Variants in DIDO1 observed in about 807,000 individuals in gnomAD.
DIDO1 encodes death inducer-obliterator 1.
DIDO1 carries 16 observed loss-of-function variants against 99.4 expected under a neutral mutation model. The observed-to-expected ratio is 0.16, with a 90% CI of 0.11 to 0.24. The LOEUF (loss-of-function observed/expected upper bound fraction) is 0.24. DIDO1 is among the 10% of genes least tolerant of loss of function. The pLI, the probability that DIDO1 is intolerant of heterozygous loss-of-function variation, is 1.00. For synonymous variants in DIDO1, 1,366 were observed against 1,239.1 expected (o/e 1.10, Z -2.15); for missense variants, 2,996 against 3,014.0 (o/e 0.99, Z 0.14).
At chr20:62,936,577 C>G (rs6010792) in intron 1 of DIDO1, among the ~76,000 whole-genome samples, 1 of 143,654 alleles carries the variant, frequency 7.0e-6, no homozygotes, top group Admixed American at 6.9e-5. Context: ...AAAATAAAAT[C>G]AAAATAGGCC....
At chr20:62,922,109 T>TATCCACACAC (rs375077898) in intron 1 of DIDO1, among the ~76,000 whole-genome samples, 1 of 110,586 alleles carries the variant, frequency 9.0e-6, no homozygotes, top group Non-Finnish European at 2.0e-5. Flanking sequence ...ACTATATATA[T>TATCCACACAC]ACACACACAC....
intron 6 of DIDO1, among the ~76,000 whole-genome samples, chr20:62,902,986 G>A (rs1407156469): frequency 6.6e-6 from 1 of 151,980 alleles, no homozygotes; most frequent in East Asian, 1.9e-4. Context: ...GTACATCTCA[G>A]AAAAACATTT....
chr20:62,902,851 T>C (rs1305893235), intron 6 of DIDO1, among the ~76,000 whole-genome samples: 3 of 152,242 alleles, frequency 2.0e-5, no homozygotes, highest in Non-Finnish European at 2.9e-5. Context: ...AGTCAAAATC[T>C]GTTCAGATCC....
At chr20:62,909,564 A>G in intron 4 of DIDO1, 135 bp downstream of exon 4, 1 of 952,882 alleles carries the variant, frequency 1.0e-6, no homozygotes, top group Non-Finnish European at 1.6e-6. Flanking sequence ...ACCCAGGTGG[A>G]GTGAGGCAGG....
chr20:62,899,520 C>T (rs1568852622), intron 6 of DIDO1, among the ~76,000 whole-genome samples: 1 of 152,182 alleles, frequency 6.6e-6, no homozygotes, highest in Non-Finnish European at 1.5e-5. Flanking sequence ...TTAGGGAAAA[C>T]CCGAGTTGAG....
At chr20:62,912,718 A>T (rs1175577360) in intron 2 of DIDO1, among the ~76,000 whole-genome samples, 1 of 152,252 alleles carries the variant, frequency 6.6e-6, no homozygotes, top group Non-Finnish European at 1.5e-5. Flanking sequence ...GGACTGGCAT[A>T]AAATGAAAGC....
intron 4 of DIDO1, among the ~76,000 whole-genome samples, chr20:62,908,967 T>G (rs6010784): frequency 2.0e-5 from 3 of 152,200 alleles, no homozygotes; most frequent in Non-Finnish European, 4.4e-5. Flanking sequence ...TGGCCTCTGA[T>G]AGCAGCGCAG....
intron 6 of DIDO1, 126 bp from the exon 7 acceptor site, chr20:62,897,122 T>C (rs530483066): frequency 7.2e-5 from 60 of 830,794 alleles, no homozygotes; most frequent in Middle Eastern, 3.7e-4. Flanking sequence ...AGGATACACA[T>C]AGAGAAAAGG....
chr20:62,892,704 TTCTC>T (rs2064424765), intron 13 of DIDO1, 101 bp downstream of exon 13: 61 of 1,413,698 alleles, frequency 4.3e-5, no homozygotes, highest in Non-Finnish European at 5.5e-5. Context: ...GCATTTCTGT[TTCTC>T]TCCTACCTCA....
In DIDO1 at chr20:62,937,731, C is replaced by A. The variant is rs992628210; in HGVS notation, c.-200+65G>T. 5.0e-5 allele frequency: 20 copies of A among 397,648 alleles called. No individual in the cohort carries two copies. The East Asian group carries it at 7.1e-4, about 14-fold the overall frequency. 24.6% of individuals were successfully genotyped at this position (397,648 alleles called of 1,614,324 possible). The stretch of plus-strand genomic sequence containing the variant: ...CCCGTCTGAGGGGCGGCCGCGGACA[C>A]CCGGCGCCTTTCCCCCGCCCCACCC... On this transcript the variant is annotated intron_variant, in intron 1 of 15. Transcript: ENST00000266070.
chr20:62,920,455 A>G (rs539120717), intron 1 of DIDO1, among the ~76,000 whole-genome samples: 1 of 152,332 alleles, frequency 6.6e-6, no homozygotes, highest in Admixed American at 6.5e-5. Flanking sequence ...GTACTGGAAC[A>G]GCTTTACCGG....
Position 62,896,572 on chromosome 20 carries a change from C to A in DIDO1, c.2013G>T (p.Arg671=). The A allele has an allele frequency of 6.3e-7, 1 of 1,594,826 alleles. No homozygotes were observed. The highest frequency in any genetic ancestry group is 1.1e-5 in the South Asian group (1 of 88,132). ...AAPSQPNSQI[R]QNIRRSLKEI... ...CTTTTAAGGAGCGTCTGATATTTTG[C>A]CGAATTTGTGAATTTGGCTGCGATG... is the stretch of plus-strand genomic sequence containing the variant. The change falls in exon 7 of 16, where the codon CGG becomes CGT. Residue 671 remains arginine (R), a synonymous_variant. Transcript: ENST00000395343. The surrounding 1 kb of genome is among the most constrained non-coding windows in gnomAD (Gnocchi z 4.4).
intron 4 of DIDO1, among the ~76,000 whole-genome samples, chr20:62,909,077 T>C (rs1031515090): frequency 6.6e-6 from 1 of 152,172 alleles, no homozygotes; most frequent in Admixed American, 6.5e-5. Context: ...TGCAAGAGTG[T>C]GAAGGCAGAG....
chr20:62,911,513 T>C lies in DIDO1; in HGVS notation c.100A>G (p.Ile34Val), dbSNP rs2064941091. Residue 34 changes from isoleucine (I) to valine (V), a missense_variant, in exon 3 of 16, where the codon ATC becomes GTC. Coordinates refer to ENST00000395343, the MANE Select transcript of DIDO1 (RefSeq NM_001193369.2). The surrounding 1 kb of genome is among the most constrained non-coding windows in gnomAD (Gnocchi z 7.0). ...RKTWGFRRTT[I>V]AKREGAGDAE... ...TCCCCTGCGCCCTCTCGCTTGGCGA[T>C]AGTGGTCCTTCGAAAACCCCATGTT... The C allele has an allele frequency of 6.2e-7, 1 of 1,612,796 alleles. No homozygotes were observed.
In DIDO1 at chr20:62,882,173, C is replaced by A; in HGVS notation, c.3783G>T (p.Pro1261=). Reference sequence around the variant, plus strand: ...GTTCTGGAAGAGGGGGCGGAGGCGGCGGCGACCCAGGAGGTGTGGTGCTGA... The same window carrying A: ...GTTCTGGAAGAGGGGGCGGAGGCGGAGGCGACCCAGGAGGTGTGGTGCTGA... ...AAVSTTPPGS[P]PPPPPLPEPP... The change falls in exon 16 of 16, where the codon CCG becomes CCT. Residue 1261 remains proline, a synonymous_variant. Coordinates refer to ENST00000395343, the MANE Select transcript of DIDO1 (RefSeq NM_001193369.2). The A allele has an allele frequency of 6.2e-7, 1 of 1,613,050 alleles. No homozygotes were observed. Among genetic ancestry groups the A allele is most frequent in the Non-Finnish European group, 8.5e-7 (1 of 1,179,990 alleles).
chr20:62,933,127 G>A (rs143668125), intron 1 of DIDO1, among the ~76,000 whole-genome samples: 3,498 of 152,298 alleles, frequency 0.023, 100 homozygotes, highest in African/African-American at 0.065. Flanking sequence ...CAGGAGAATC[G>A]CTTAAACCGG....
At chr20:62,927,569 C>T (rs985862643), upstream of DIDO1, among the ~76,000 whole-genome samples, 2 of 152,234 alleles carry the variant, frequency 1.3e-5, no homozygotes, top group African/African-American at 4.8e-5. Context: ...CTTCTGTGAA[C>T]AGTGATACGC....
chr20:62,910,992 GTCAC>G lies in DIDO1; in HGVS notation c.617_620del (p.Ser206ThrfsTer76). 6.2e-7 allele frequency: 1 copy of G among 1,614,080 alleles called. No individual in the cohort carries two copies. The highest frequency in any genetic ancestry group is 8.5e-7 in the Non-Finnish European group (1 of 1,180,034). On this transcript the variant is annotated frameshift_variant, in exon 3 of 16. Transcript: ENST00000395343. LOFTEE classifies it high-confidence loss of function. The stretch of plus-strand genomic sequence containing the variant: ...TACTGGGCAGGACGCCCTCCACAGT[GTCAC>G]TGGCCTCGGAGCCCACAGTCTCGGC...
intron 4 of DIDO1, 88 bp from the exon 5 acceptor site, chr20:62,907,447 A>AC: frequency 8.0e-7 from 1 of 1,242,850 alleles, no homozygotes; most frequent in Non-Finnish European, 1.1e-6. Flanking sequence ...CATTTATAGT[A>AC]CCAAGGCCAC....
Sources: allele counts gnomAD v4.1 joint callset (sites outside exome capture counted in the v4.1 genomes callset), GRCh38; gene constraint gnomAD v4.1.1; non-coding constraint Gnocchi (gnomAD v3.1); transcripts MANE v1.5; gene names NCBI Gene and HGNC (gene_info 2026-07-23, HGNC 2026-07-21).